The following TTC6 variants were observed in gnomAD, a reference collection of about 807,000 sequenced individuals.
The protein encoded by TTC6 is tetratricopeptide repeat protein 6.
In TTC6, 172 loss-of-function variants were observed where a neutral mutation model predicts 210.4. The ratio of observed to expected loss-of-function variants is 0.82; its 90% confidence interval spans 0.72 to 0.93. TTC6 has a LOEUF of 0.93. Ranked by LOEUF, TTC6 falls within the 40% of genes least tolerant of loss-of-function variation. The pLI is 0.00. For missense variants in TTC6, 2,414 were observed against 2,318.1 expected, an observed-to-expected ratio of 1.04 and a Z score of -0.85; for synonymous variants, 804 against 819.6, an observed-to-expected ratio of 0.98 and a Z score of 0.32.
intron 10 of TTC6, among the ~76,000 whole-genome samples, chr14:37,744,930 G>A (rs1335477917): frequency 6.6e-6 from 1 of 152,072 alleles, no homozygotes; most frequent in African/African-American, 2.4e-5. Context: ...GTAGTGGAAA[G>A]TGGTTAGATT....
intron 26 of TTC6, among the ~76,000 whole-genome samples, chr14:37,819,605 T>C (rs2096150785): frequency 6.6e-6 from 1 of 152,200 alleles, no homozygotes; most frequent in Non-Finnish European, 1.5e-5. Context: ...GCCACTTTCA[T>C]ATTTCAAAAA....
Position 37,751,235 on chromosome 14 carries a change from A to G in TTC6, c.3129+10A>G. Reference sequence around the variant, plus strand: ...TGATGACTTTTCGAAAGTAAGCTTTATCACATATAATTCTACCATTTATAT... The same window carrying G: ...TGATGACTTTTCGAAAGTAAGCTTTGTCACATATAATTCTACCATTTATAT... On this transcript the variant is annotated intron_variant, in intron 13 of 30. Coordinates refer to ENST00000553443, the Ensembl canonical transcript of TTC6. 5 of 1,514,536 alleles carry G rather than the reference A, an allele frequency of 3.3e-6. No individual in the cohort carries two copies. Among genetic ancestry groups the G allele is most frequent in the Non-Finnish European group, 3.5e-6 (4 of 1,135,654 alleles). 93.8% of individuals were successfully genotyped at this position (1,514,536 alleles called of 1,614,324 possible). A position where few individuals can be genotyped will look rare whatever the true frequency, so the allele number is the denominator to read the frequency against.
chr14:37,699,617 G>A (rs1184501126), intron 4 of TTC6, among the ~76,000 whole-genome samples: 5 of 152,160 alleles, frequency 3.3e-5, no homozygotes, highest in African/African-American at 9.7e-5. Flanking sequence ...AGAGGCTGCC[G>A]TGCTCAACCC....
At chr14:37,678,015 A>G (rs1476882818) in intron 1 of TTC6, among the ~76,000 whole-genome samples, 1 of 151,962 alleles carries the variant, frequency 6.6e-6, no homozygotes, top group Non-Finnish European at 1.5e-5. Context: ...GTCTTTTTGT[A>G]TGATTTTCTT....
chr14:37,708,576 T>C (rs2095839508), intron 5 of TTC6, among the ~76,000 whole-genome samples: 1 of 152,120 alleles, frequency 6.6e-6, no homozygotes, highest in Non-Finnish European at 1.5e-5. Context: ...AAGGCCATTT[T>C]ATTTTTTCTC....
At chr14:37,625,270 G>T (rs953555884) in intron 1 of TTC6, among the ~76,000 whole-genome samples, 2 of 152,070 alleles carry the variant, frequency 1.3e-5, no homozygotes, top group Non-Finnish European at 2.9e-5. Flanking sequence ...AGTATAGGCC[G>T]GGCGCGGTGG....
chr14:37,791,829 G>A (rs371375650), intron 16 of TTC6, among the ~76,000 whole-genome samples: 2 of 152,106 alleles, frequency 1.3e-5, no homozygotes, highest in Non-Finnish European at 2.9e-5. Flanking sequence ...GAAAAGCTGT[G>A]TTAATATGTA....
intron 6 of TTC6, chr14:37,720,469 C>T (rs1333328542): frequency 6.6e-6 from 1 of 151,452 alleles, no homozygotes; most frequent in African/African-American, 2.4e-5. Flanking sequence ...GGGCTTCTCA[C>T]AGTGTACCCA....
At chr14:37,759,496 C>T (rs552719284) in intron 14 of TTC6, among the ~76,000 whole-genome samples, 23 of 152,146 alleles carry the variant, frequency 1.5e-4, no homozygotes, top group Admixed American at 3.9e-4. Flanking sequence ...TTGCACTTCT[C>T]GATGAGTATT....
At chr14:37,819,395 A>C (rs980275917) in intron 26 of TTC6, among the ~76,000 whole-genome samples, 1 of 152,178 alleles carries the variant, frequency 6.6e-6, no homozygotes, top group Non-Finnish European at 1.5e-5. Context: ...AAAATTCTTT[A>C]AATAAATAAA....
At chr14:37,742,864 G>T (rs1284837612) in intron 10 of TTC6, among the ~76,000 whole-genome samples, 1 of 152,154 alleles carries the variant, frequency 6.6e-6, no homozygotes, top group African/African-American at 2.4e-5. Flanking sequence ...ACTAGGCCGA[G>T]CTACTTAATT....
chr14:37,713,357 G>A (rs1366936783), intron 5 of TTC6, among the ~76,000 whole-genome samples: 1 of 152,160 alleles, frequency 6.6e-6, no homozygotes, highest in Non-Finnish European at 1.5e-5. Context: ...CTGTGCCTCA[G>A]CCTCCTGAGT....
At chr14:37,674,174 A>G (rs925596292) in intron 1 of TTC6, among the ~76,000 whole-genome samples, 6 of 150,602 alleles carry the variant, frequency 4.0e-5, no homozygotes, top group Admixed American at 2.6e-4. Flanking sequence ...TTGGTAGTTT[A>G]TAATTTTTGT....
intron 29 of TTC6, among the ~76,000 whole-genome samples, chr14:37,836,647 T>C (rs960203242): frequency 6.6e-6 from 1 of 152,196 alleles, no homozygotes; most frequent in Non-Finnish European, 1.5e-5. Context: ...GCCTGAGCTT[T>C]ACAGTGCACA....
At chr14:37,680,316 C>T in intron 2 of TTC6, 55 bp downstream of exon 4, 1 of 1,152,310 alleles carries the variant, frequency 8.7e-7, no homozygotes, top group Non-Finnish European at 1.2e-6. Flanking sequence ...AGCATGCTTC[C>T]TGTTGCTTGA....
chr14:37,836,400 C>A (rs886477963), intron 29 of TTC6, among the ~76,000 whole-genome samples: 3 of 152,102 alleles, frequency 2.0e-5, no homozygotes, highest in African/African-American at 7.2e-5. Flanking sequence ...ATTCCCAGGG[C>A]AATTTTCTAT....
chr14:37,651,929 C>T (rs1427267781), intron 1 of TTC6, among the ~76,000 whole-genome samples: 1 of 152,156 alleles, frequency 6.6e-6, no homozygotes, highest in Non-Finnish European at 1.5e-5. Flanking sequence ...AGGTTTGATT[C>T]TGATGGCACT....
intron 3 of TTC6, among the ~76,000 whole-genome samples, chr14:37,689,352 T>G (rs1392894742): frequency 6.6e-6 from 1 of 152,078 alleles, no homozygotes; most frequent in Non-Finnish European, 1.5e-5. Context: ...AATCTAAGTG[T>G]TATTGGCCTT....
chr14:37,611,562 T>C (rs954908026), intron 2 of TTC6, among the ~76,000 whole-genome samples: 1 of 151,780 alleles, frequency 6.6e-6, no homozygotes, highest in African/African-American at 2.4e-5. Flanking sequence ...CGTGGGAGAA[T>C]GAGCACGGGT....
Sources: gnomAD v4.1 joint callset for allele counts (sites outside exome capture counted in the v4.1 genomes callset) on GRCh38, gnomAD v4.1.1 for gene constraint, MANE v1.5 for transcripts, NCBI Gene and HGNC (gene_info 2026-07-23, HGNC 2026-07-21) for gene names.